PLCXD2: variants seen among roughly 807,000 people sequenced by gnomAD.
PLCXD2 encodes phosphatidylinositol specific phospholipase C X domain containing 2.
In PLCXD2, 21 loss-of-function variants were observed where a neutral mutation model predicts 28.6. That is an observed-to-expected ratio of 0.73 (90% CI 0.52 to 1.06). PLCXD2 has a LOEUF of 1.06. PLCXD2 is among the 50% of genes least tolerant of loss of function. The pLI is 0.00. For missense variants in PLCXD2, 369 were observed against 376.7 expected, an observed-to-expected ratio of 0.98 and a Z score of 0.17; for synonymous variants, 140 against 150.1, an observed-to-expected ratio of 0.93 and a Z score of 0.49.
At chr3:111,681,856 C>T (rs79892969) in intron 1 of PLCXD2, among the ~76,000 whole-genome samples, 3,047 of 152,320 alleles carry the variant, frequency 0.02, 54 homozygotes, top group Middle Eastern at 0.068. Context: ...ACATCTCTCT[C>T]CTGCCTCTAG....
intron 3 of PLCXD2, among the ~76,000 whole-genome samples, chr3:111,717,631 A>G (rs550876866): frequency 4.0e-4 from 61 of 152,312 alleles, no homozygotes; most frequent in Admixed American, 7.2e-4. Flanking sequence ...TTCTCTGCTC[A>G]GGCTCCAGGG....
At chr3:111,720,796 G>C (rs780907540) in intron 3 of PLCXD2, 11 of 416,742 alleles carry the variant, frequency 2.6e-5, no homozygotes, top group Middle Eastern at 3.1e-4. Flanking sequence ...CATCACATCT[G>C]ACTTCGTGGA....
intron 1 of PLCXD2, among the ~76,000 whole-genome samples, chr3:111,683,139 C>T (rs1333894709): frequency 2.0e-5 from 3 of 151,888 alleles, no homozygotes; most frequent in Non-Finnish European, 2.9e-5. Flanking sequence ...AAACCAATAC[C>T]CAATTCTGTT....
intron 3 of PLCXD2, among the ~76,000 whole-genome samples, chr3:111,718,629 G>A (rs1941307095): frequency 6.6e-6 from 1 of 152,086 alleles, no homozygotes; most frequent in African/African-American, 2.4e-5. Context: ...TATGGTAAGA[G>A]AAAAAGAAAG....
intron 1 of PLCXD2, among the ~76,000 whole-genome samples, chr3:111,687,748 G>A (rs1996107): frequency 0.92 from 138,459 of 151,126 alleles, 63,665 homozygotes; most frequent in Non-Finnish European, 0.96. Context: ...GTACAGTGAC[G>A]TGACCATGGC....
chr3:111,677,389 G>A (rs1040048843), intron 1 of PLCXD2: 2 of 152,162 alleles, frequency 1.3e-5, no homozygotes, highest in African/African-American at 4.8e-5. Flanking sequence ...TCCTTGCTGA[G>A]AAATCCTGAA....
At chr3:111,715,438 C>T (rs1339061312) in intron 3 of PLCXD2, among the ~76,000 whole-genome samples, 1 of 152,158 alleles carries the variant, frequency 6.6e-6, no homozygotes, top group Non-Finnish European at 1.5e-5. Flanking sequence ...TCAAGGAACT[C>T]ACAGTCTAGC....
intron 1 of PLCXD2, among the ~76,000 whole-genome samples, chr3:111,701,663 CTGTT>C (rs975060141): frequency 5.3e-5 from 8 of 152,094 alleles, no homozygotes; most frequent in Non-Finnish European, 7.4e-5. Flanking sequence ...ATTAGGGTTT[CTGTT>C]TGTTTGGGTG....
At chr3:111,697,862 G>A (rs899877800) in intron 1 of PLCXD2, among the ~76,000 whole-genome samples, 1 of 151,700 alleles carries the variant, frequency 6.6e-6, no homozygotes, top group Admixed American at 6.6e-5. Context: ...TCCAAGTACT[G>A]ACATAGGAGC....
intron 3 of PLCXD2, chr3:111,722,368 C>G (rs76672541): frequency 0.018 from 2,710 of 152,222 alleles, 80 homozygotes; most frequent in African/African-American, 0.06. Flanking sequence ...CTCTGCTGTT[C>G]ATGTCCTGGC....
At chr3:111,693,907 A>G (rs1456302584) in intron 1 of PLCXD2, among the ~76,000 whole-genome samples, 1 of 152,212 alleles carries the variant, frequency 6.6e-6, no homozygotes, top group East Asian at 1.9e-4. Context: ...CCAGGAGGCA[A>G]GGTCCACAGA....
intron 1 of PLCXD2, among the ~76,000 whole-genome samples, chr3:111,688,089 T>C (rs977371311): frequency 2.6e-5 from 4 of 152,222 alleles, no homozygotes; most frequent in African/African-American, 9.6e-5. Context: ...AATAGTTGCA[T>C]GACCTTGAGT....
chr3:111,725,293 G>A lies in PLCXD2; in HGVS notation c.867-7326G>A, dbSNP rs186259178. On this transcript the variant is annotated intron_variant, in intron 3 of 4. Coordinates refer to ENST00000477665, the MANE Select transcript of PLCXD2 (RefSeq NM_001185106.1). ...ATAGCATAGAACATGGTTGTCTTCT[G>A]AGTTCCACTAATGTTCCAGGATATC... is the stretch of plus-strand genomic sequence containing the variant. The A allele has an allele frequency of 4.1e-3, 985 of 242,352 alleles. 4 individuals are homozygous for A. Among genetic ancestry groups the A allele is most frequent in the Non-Finnish European group, 6.5e-3 (836 of 127,650 alleles). 15.0% of individuals were successfully genotyped at this position (242,352 alleles called of 1,614,324 possible). A position where few individuals can be genotyped will look rare whatever the true frequency, so the allele number is the denominator to read the frequency against.
At position 111,708,118 on chromosome 3, in the gene PLCXD2, C is replaced by G. The variant is rs1344886215; in HGVS notation, c.356C>G (p.Ser119Cys). 6.2e-7 allele frequency: 1 copy of G among 1,614,188 alleles called. No individual in the cohort carries two copies. The highest frequency in any genetic ancestry group is 1.1e-5 in the South Asian group (1 of 91,084). ...CGCTACTTTGACCTGCGTGTGTCTT[C>G]CAAACCAGGGGATGCCGACCAGGAG... Residue 119 changes from serine to cysteine, a missense_variant, in exon 2 of 5, where the codon TCC becomes TGC. Physicochemically the swap from Ser to Cys is moderately radical, Grantham distance 112 (BLOSUM62 -1). Coordinates refer to ENST00000477665, the MANE Select transcript of PLCXD2 (RefSeq NM_001185106.1).
chr3:111,710,160 C>T (rs367954501), intron 2 of PLCXD2, among the ~76,000 whole-genome samples: 204 of 152,304 alleles, frequency 1.3e-3, no homozygotes, highest in African/African-American at 4.5e-3. Flanking sequence ...GTCTTCGACA[C>T]CACGGAGGCT....
Position 111,708,369 on chromosome 3 carries a change from T to G in PLCXD2, c.607T>G (p.Trp203Gly). Residue 203 changes from tryptophan (W) to glycine (G), a missense_variant, in exon 2 of 5, where the codon TGG becomes GGG. Trp to Gly is a radical substitution (Grantham distance 184). Coordinates refer to ENST00000477665, the MANE Select transcript of PLCXD2 (RefSeq NM_001185106.1). ...GGAAAGTTTGACGCTGCGAACTCTG[T>G]GGGAGAAGAACTGCCAGGTAGGAGG... is the stretch of plus-strand genomic sequence containing the variant. The G allele has an allele frequency of 6.2e-7, 1 of 1,613,636 alleles. No individual in the cohort carries two copies. The highest frequency in any genetic ancestry group is 1.3e-5 in the African/African-American group (1 of 75,034).
chr3:111,681,184 G>T (rs935909110), intron 1 of PLCXD2, among the ~76,000 whole-genome samples: 2 of 152,174 alleles, frequency 1.3e-5, no homozygotes, highest in African/African-American at 4.8e-5. Context: ...TACACGGAGG[G>T]TTCCCCAGGA....
intron 1 of PLCXD2, among the ~76,000 whole-genome samples, chr3:111,706,654 A>C (rs1261345979): frequency 6.6e-6 from 1 of 152,084 alleles, no homozygotes; most frequent in African/African-American, 2.4e-5. Context: ...GATTAAAAAA[A>C]AAAAAGACAC....
At chr3:111,699,694 A>G (rs1941013853) in intron 1 of PLCXD2, among the ~76,000 whole-genome samples, 1 of 152,178 alleles carries the variant, frequency 6.6e-6, no homozygotes, top group Non-Finnish European at 1.5e-5. Flanking sequence ...CTTTGCTGCC[A>G]CAGGGACTTG....
Sources: allele counts gnomAD v4.1 joint callset (sites outside exome capture counted in the v4.1 genomes callset), GRCh38; gene constraint gnomAD v4.1.1; transcripts MANE v1.5; gene names NCBI Gene and HGNC (gene_info 2026-07-23, HGNC 2026-07-21).